Variants in VPS13A observed in about 807,000 individuals in gnomAD.
The protein encoded by VPS13A is vacuolar protein sorting 13 homolog A.
In VPS13A, 264 loss-of-function variants were observed where a neutral mutation model predicts 390.9. The observed-to-expected ratio is 0.68, with a 90% CI of 0.61 to 0.75. VPS13A has a LOEUF of 0.75. Among genes scored for constraint, VPS13A ranks in the 30% least tolerant of loss-of-function variants. The pLI is 0.00. For synonymous variants in VPS13A, 1,231 were observed against 1,227.1 expected (o/e 1.00, Z -0.07); for missense variants, 3,409 against 3,733.9 (o/e 0.91, Z 2.27).
chr9:77,295,288 G>C (rs543433674), intron 32 of VPS13A, among the ~76,000 whole-genome samples: 1 of 152,050 alleles, frequency 6.6e-6, no homozygotes, highest in East Asian at 1.9e-4. Flanking sequence ...GTAGATATCT[G>C]TAAGACATTC....
intron 46 of VPS13A, 150 bp downstream of exon 46, chr9:77,332,263 GTAT>G (rs1564735393): frequency 1.1e-5 from 7 of 620,140 alleles, no homozygotes; most frequent in South Asian, 6.0e-5. Flanking sequence ...TAAAAAAGAA[GTAT>G]TATTTAATTT....
chr9:77,282,987 ATATTTTAAAATCAGAGTATAGTACTTT>A (rs1402083379), intron 29 of VPS13A, among the ~76,000 whole-genome samples: 1 of 152,064 alleles, frequency 6.6e-6, no homozygotes, highest in Admixed American at 6.6e-5. Context: ...GTATCAGAGC[ATATTTTAAAATCAGAGTATAGTACTTT>A]CGAAGCAGTG....
chr9:77,406,029 A>T (rs368079508), intron 70 of VPS13A, 42 bp downstream of exon 70: 12 of 1,610,036 alleles, frequency 7.5e-6, no homozygotes, highest in Non-Finnish European at 9.3e-6. Context: ...TGGAACTGAA[A>T]ATAATGCTTT....
Position 77,228,170 on chromosome 9 carries a change from C to A in VPS13A, c.1501C>A (p.Leu501Ile). ...CCACTTGAAAAGTATGTCTATTGTTCTAAGAGAAAATCATCAAAAACCTGA... is the reference window on the plus strand; with the variant it reads ...CCACTTGAAAAGTATGTCTATTGTTATAAGAGAAAATCATCAAAAACCTGA... The part of the protein sequence containing the change: ...FVHLKSMSIV[L>I]RENHQKPELV... The change falls in exon 17 of 72, where the codon CTA becomes ATA. Residue 501 changes from leucine (L) to isoleucine (I), a missense_variant. Coordinates refer to ENST00000360280, the MANE Select transcript of VPS13A (RefSeq NM_033305.3). 6.2e-7 allele frequency: 1 copy of A among 1,603,578 alleles called. No homozygotes were observed. Among genetic ancestry groups the A allele is most frequent in the South Asian group, 1.1e-5 (1 of 89,634 alleles).
Position 77,339,872 on chromosome 9 carries a change from C to G in VPS13A, c.6735C>G (p.Leu2245=). Residue 2245 remains leucine (L), a synonymous_variant, in exon 48 of 72, where the codon CTC becomes CTG. Transcript: ENST00000360280. ...CACCTAATTATAAAAAGCCAGTTCT[C>G]TTTTCTTTTCAGCCAAATCACTTTT... ...KHPPNYKKPV[L]FSFQPNHFFN... is the part of the protein sequence containing the mutation. The G allele has an allele frequency of 6.2e-7, 1 of 1,613,026 alleles. No homozygotes were observed. Among genetic ancestry groups the G allele is most frequent in the Non-Finnish European group, 8.5e-7 (1 of 1,179,914 alleles).
intron 17 of VPS13A, 26 bp from the exon 18 acceptor site, chr9:77,237,972 GCTGA>G (rs1564654366): frequency 6.6e-7 from 1 of 1,507,186 alleles, no homozygotes; most frequent in Admixed American, 1.8e-5. Flanking sequence ...TTTACTGATC[GCTGA>G]CTTTTTTCTT....
Position 77,400,223 on chromosome 9 carries a change from A to ATTTTTTTTTTTTTTTTTTTTTTTTTT in VPS13A, c.9190-2991_9190-2990insTTTTTTTTTTTTTTTTTTTTTTTTTT, listed in dbSNP as rs34605855. On this transcript the variant is annotated intron_variant, in intron 68 of 71. Transcript: ENST00000360280. ...ATATTTTCTCATGTTTATCAGTCAG[A>ATTTTTTTTTTTTTTTTTTTTTTTTTT]TTTTTTTTTTTTTTTTTTTTTTGCT... is the stretch of plus-strand genomic sequence containing the variant. 1.5e-4 allele frequency among the ~76,000 whole-genome samples: 13 copies of ATTTTTTTTTTTTTTTTTTTTTTTTTT among 88,116 alleles called. 1 individual carries two copies. The highest frequency in any genetic ancestry group is 6.6e-4 in the African/African-American group (13 of 19,608). 57.8% of individuals were successfully genotyped at this position (88,116 alleles called of 152,430 possible). A position where few individuals can be genotyped will look rare whatever the true frequency, so the allele number is the denominator to read the frequency against.
intron 17 of VPS13A, among the ~76,000 whole-genome samples, chr9:77,232,459 A>T (rs2131213894): frequency 6.6e-6 from 1 of 152,304 alleles, no homozygotes; most frequent in South Asian, 2.1e-4. Context: ...GAGTTTCAGA[A>T]GGATTGTTAT....
chr9:77,198,856 T>C (rs1055666659), intron 1 of VPS13A, among the ~76,000 whole-genome samples: 1 of 152,112 alleles, frequency 6.6e-6, no homozygotes, highest in Non-Finnish European at 1.5e-5. Context: ...AGAGATGGGA[T>C]TTCACCATTT....
intron 45 of VPS13A, among the ~76,000 whole-genome samples, chr9:77,330,907 A>G (rs1587598475): frequency 1.3e-5 from 2 of 152,020 alleles, no homozygotes; most frequent in South Asian, 4.1e-4. Context: ...CCAGTACCAT[A>G]TTTTAAAAAC....
intron 62 of VPS13A, 26 bp downstream of exon 62, chr9:77,368,162 G>T: frequency 6.3e-7 from 1 of 1,581,978 alleles, no homozygotes; most frequent in South Asian, 1.1e-5. Flanking sequence ...TATTACAGAG[G>T]GACAGAGTGA....
chr9:77,398,895 T>C (rs1834232511), intron 68 of VPS13A, among the ~76,000 whole-genome samples: 1 of 150,914 alleles, frequency 6.6e-6, no homozygotes, highest in African/African-American at 2.4e-5. Flanking sequence ...GAAACCATCA[T>C]TCTCAGTAAA....
In VPS13A at chr9:77,321,385, G is replaced by A. The variant is rs998946771; in HGVS notation, c.5574+58G>A. On this transcript the variant is annotated intron_variant, in intron 43 of 71. Coordinates refer to ENST00000360280, the MANE Select transcript of VPS13A (RefSeq NM_033305.3). ...AGATACTTGTCTGATTGATCTGTCT[G>A]TTGAATAAGAAGTTTAATAACTTAG... is the stretch of plus-strand genomic sequence containing the variant. The A allele has an allele frequency of 2.5e-6, 4 of 1,580,916 alleles. No homozygotes were observed. The African/African-American group carries it at 5.4e-5, about 21-fold the overall frequency.
At chr9:77,407,841 C>G (rs1433254286) in intron 71 of VPS13A, among the ~76,000 whole-genome samples, 2 of 152,084 alleles carry the variant, frequency 1.3e-5, no homozygotes, top group Non-Finnish European at 2.9e-5. Flanking sequence ...ATTGCTCCAT[C>G]TTATTTTAAA....
At chr9:77,359,159 A>G (rs1831988123) in intron 57 of VPS13A, among the ~76,000 whole-genome samples, 174 bp from the exon 58 acceptor site, 1 of 152,230 alleles carries the variant, frequency 6.6e-6, no homozygotes, top group Admixed American at 6.5e-5. Flanking sequence ...AGTTTTAAAA[A>G]CAATGCTAGA....
intron 2 of VPS13A, among the ~76,000 whole-genome samples, chr9:77,201,039 C>T (rs1470565716): frequency 1.3e-5 from 2 of 151,998 alleles, no homozygotes; most frequent in African/African-American, 4.8e-5. Context: ...TCCCTAAAAG[C>T]ATAAAATGAC....
intron 23 of VPS13A, among the ~76,000 whole-genome samples, chr9:77,270,998 AAAAT>A (rs1368838946): frequency 6.6e-5 from 10 of 152,210 alleles, no homozygotes; most frequent in African/African-American, 9.6e-5. Context: ...ACAGGAGAAA[AAAAT>A]AAATAAATTG....
rs554968445 is a variant in VPS13A at position 77,418,313 on chromosome 9, T to A, written c.*2307T>A. On this transcript the variant is annotated 3_prime_UTR_variant, in exon 72 of 72. Coordinates refer to ENST00000360280, the MANE Select transcript of VPS13A (RefSeq NM_033305.3). Reference sequence around the variant, plus strand: ...ATTATTTGCTAACTAACTATATTACTAGGCCCTTAATTCCAGCACAGCATG... The same window carrying A: ...ATTATTTGCTAACTAACTATATTACAAGGCCCTTAATTCCAGCACAGCATG... 2 of 152,310 alleles carry A rather than the reference T, an allele frequency of 1.3e-5. No individual in the cohort carries two copies. Among genetic ancestry groups the A allele is most frequent in the Admixed American group, 6.5e-5 (1 of 15,292 alleles). The allele number at this position is 152,310 out of a possible 1,614,324, so 9.4% of individuals were successfully genotyped here.
intron 35 of VPS13A, among the ~76,000 whole-genome samples, chr9:77,309,947 A>C (rs925323757): frequency 6.6e-6 from 1 of 151,872 alleles, no homozygotes; most frequent in Non-Finnish European, 1.5e-5. Context: ...GTTGTTTTTT[A>C]TTTATCATCA....
Sources: allele counts gnomAD v4.1 joint callset (sites outside exome capture counted in the v4.1 genomes callset), GRCh38; gene constraint gnomAD v4.1.1; transcripts MANE v1.5; gene names NCBI Gene and HGNC (gene_info 2026-07-23, HGNC 2026-07-21).